EXOC4: variants seen among roughly 807,000 people sequenced by gnomAD.
EXOC4 encodes exocyst complex component 4, also known as SEC8-like 1.
EXOC4 carries 71 observed loss-of-function variants against 107.2 expected under a neutral mutation model. That is an observed-to-expected ratio of 0.66 (90% CI 0.55 to 0.81). The LOEUF is 0.81. EXOC4 is among the 30% of genes least tolerant of loss of function. EXOC4 has a pLI of 0.00. For synonymous variants in EXOC4, 456 were observed against 441.2 expected (o/e 1.03, Z -0.42); for missense variants, 1,108 against 1,189.6 (o/e 0.93, Z 1.01).
chr7:133,484,727 T>C (rs979189975), intron 9 of EXOC4, among the ~76,000 whole-genome samples: 3 of 152,130 alleles, frequency 2.0e-5, no homozygotes, highest in Non-Finnish European at 4.4e-5. Context: ...ATTAGAAATT[T>C]CTAAATTAGA....
At chr7:133,397,333 CA>C (rs1396685949) in intron 7 of EXOC4, among the ~76,000 whole-genome samples, 6 of 151,102 alleles carry the variant, frequency 4.0e-5, no homozygotes, top group Non-Finnish European at 7.4e-5. Context: ...GGGGTTTCTC[CA>C]TGTTGGTCAG....
chr7:134,067,586 C>T (rs113186083), downstream of EXOC4, among the ~76,000 whole-genome samples: 124 of 149,508 alleles, frequency 8.3e-4, no homozygotes, highest in African/African-American at 3.0e-3. Flanking sequence ...GGAATAAATT[C>T]CTTGAAAAAG....
chr7:134,014,699 G>GGTT (rs1794860011), intron 17 of EXOC4, among the ~76,000 whole-genome samples: 1 of 151,990 alleles, frequency 6.6e-6, no homozygotes. Flanking sequence ...TTGTGCTGAT[G>GGTT]GTTGTACAGC....
chr7:133,378,872 A>G (rs1796552013), intron 7 of EXOC4, among the ~76,000 whole-genome samples: 1 of 152,114 alleles, frequency 6.6e-6, no homozygotes, highest in Admixed American at 6.6e-5. Context: ...AGCACCAACC[A>G]TATCAATAAT....
intron 2 of EXOC4, among the ~76,000 whole-genome samples, chr7:133,280,624 C>T (rs1189276297): frequency 6.6e-6 from 1 of 152,108 alleles, no homozygotes; most frequent in Non-Finnish European, 1.5e-5. Context: ...CTCTGAATCT[C>T]ATTTTTTTTG....
At chr7:133,988,337 A>G (rs1339229197) in intron 14 of EXOC4, among the ~76,000 whole-genome samples, 1 of 152,154 alleles carries the variant, frequency 6.6e-6, no homozygotes, top group African/African-American at 2.4e-5. Flanking sequence ...AACTAAGGAG[A>G]AAGTTAGAGT....
intron 3 of EXOC4, among the ~76,000 whole-genome samples, chr7:133,293,412 A>T (rs937551911): frequency 2.6e-5 from 4 of 152,248 alleles, no homozygotes; most frequent in African/African-American, 9.6e-5. Flanking sequence ...TTGCTAAAAG[A>T]CATCAGAGGA....
In EXOC4 at chr7:133,586,719, A is replaced by G. The variant is rs370152261; in HGVS notation, c.1418-43326A>G. ...TTTCTCTTCAGAAATTGGGAAACACATGACATACTCATAGTACACAGTCTT... is the reference window on the plus strand; with the variant it reads ...TTTCTCTTCAGAAATTGGGAAACACGTGACATACTCATAGTACACAGTCTT... On this transcript the variant is annotated intron_variant, in intron 9 of 17. Coordinates refer to ENST00000253861, the MANE Select transcript of EXOC4 (RefSeq NM_021807.4). Among the ~76,000 whole-genome samples, 61 of 152,344 alleles carry G rather than the reference A, an allele frequency of 4.0e-4. No individual in the cohort carries two copies. In the East Asian group the frequency reaches 4.8e-3, roughly 12 times the overall value.
intron 10 of EXOC4, among the ~76,000 whole-genome samples, chr7:133,701,993 C>CCT: frequency 9.0e-6 from 1 of 110,758 alleles, no homozygotes; most frequent in African/African-American, 3.3e-5. Flanking sequence ...TTCTTTCTTT[C>CCT]TTTCTTTTTT....
chr7:133,664,386 GC>G (rs1481235182), intron 10 of EXOC4, among the ~76,000 whole-genome samples: 1 of 152,086 alleles, frequency 6.6e-6, no homozygotes, highest in African/African-American at 2.4e-5. Context: ...AAGTTTCAGA[GC>G]CTAAAATAGA....
chr7:134,061,226 A>G (rs1245807535), intron 17 of EXOC4, among the ~76,000 whole-genome samples: 1 of 152,240 alleles, frequency 6.6e-6, no homozygotes, highest in Non-Finnish European at 1.5e-5. Context: ...TTCATCTGGC[A>G]TGATGGGCTC....
intron 11 of EXOC4, among the ~76,000 whole-genome samples, chr7:133,869,131 G>T (rs902476828): frequency 6.6e-6 from 1 of 151,838 alleles, no homozygotes; most frequent in Non-Finnish European, 1.5e-5. Flanking sequence ...AGCACTCAGG[G>T]TCATGATGAA....
In EXOC4 at chr7:133,997,591, A is replaced by G; in HGVS notation, c.2306A>G (p.Asp769Gly). 1 of 1,613,616 alleles carries G rather than the reference A, an allele frequency of 6.2e-7. No individual in the cohort carries two copies. Among genetic ancestry groups the G allele is most frequent in the Non-Finnish European group, 8.5e-7 (1 of 1,179,760 alleles). The change falls in exon 15 of 18, where the codon GAT becomes GGT. Residue 769 changes from aspartate to glycine, a missense_variant. Transcript: ENST00000253861. ...TLSELAKSFQDMADRCLLVLH... is the reference protein window; with the variant it reads ...TLSELAKSFQGMADRCLLVLH... ...AGTGAACTTGCCAAATCGTTCCAGG[A>G]TATGGCTGACCGCTGCTTGCTTGTC...
At chr7:133,999,604 A>G (rs1173687560) in intron 15 of EXOC4, among the ~76,000 whole-genome samples, 1 of 152,194 alleles carries the variant, frequency 6.6e-6, no homozygotes, top group Non-Finnish European at 1.5e-5. Flanking sequence ...ATGAACAAAT[A>G]TTTGCAATAG....
At chr7:134,052,839 A>G (rs975011056) in intron 17 of EXOC4, among the ~76,000 whole-genome samples, 4 of 152,196 alleles carry the variant, frequency 2.6e-5, no homozygotes, top group Non-Finnish European at 4.4e-5. Context: ...CACTAGTGAA[A>G]ACACGGATCT....
intron 6 of EXOC4, among the ~76,000 whole-genome samples, chr7:133,371,409 C>A (rs536428773): frequency 6.6e-6 from 1 of 152,250 alleles, no homozygotes; most frequent in African/African-American, 2.4e-5. Flanking sequence ...CCACCCACCC[C>A]CAGCCTAAGT....
chr7:134,021,313 T>C (rs1230486403), intron 17 of EXOC4, among the ~76,000 whole-genome samples: 1 of 152,214 alleles, frequency 6.6e-6, no homozygotes, highest in Non-Finnish European at 1.5e-5. Context: ...GGCCTGTTTC[T>C]TTTCATAGTC....
chr7:133,527,739 G>C (rs1185970130), intron 9 of EXOC4, among the ~76,000 whole-genome samples: 1 of 152,186 alleles, frequency 6.6e-6, no homozygotes, highest in Non-Finnish European at 1.5e-5. Context: ...GTAGTTGAAA[G>C]AGTTGTGTTC....
chr7:133,854,373 A>G lies in EXOC4; in HGVS notation c.1734+36829A>G, dbSNP rs375311251. 3.3e-5 allele frequency among the ~76,000 whole-genome samples: 5 copies of G among 150,036 alleles called. No homozygotes were observed. The East Asian group carries it at 7.9e-4, about 24-fold the overall frequency. ...CTCCGATTCCTAGGGAATTTTCTTT[A>G]GCATTCTTCTCAACTGGGCTCAGTT... is the stretch of plus-strand genomic sequence containing the variant. On this transcript the variant is annotated intron_variant, in intron 11 of 17. Transcript: ENST00000253861.
Sources: gnomAD v4.1 joint callset for allele counts (sites outside exome capture counted in the v4.1 genomes callset) on GRCh38, gnomAD v4.1.1 for gene constraint, MANE v1.5 for transcripts, NCBI Gene and HGNC (gene_info 2026-07-23, HGNC 2026-07-21) for gene names.